Variants in NAV2 observed in about 807,000 individuals in gnomAD.
The protein encoded by NAV2 is helicase, APC down-regulated 1.
NAV2 carries 54 observed loss-of-function variants against 223.2 expected under a neutral mutation model. The ratio of observed to expected loss-of-function variants is 0.24; its 90% CI spans 0.19 to 0.30. The LOEUF (loss-of-function observed/expected upper bound fraction) is 0.30. NAV2 is among the 10% of genes least tolerant of loss of function. The probability of loss-of-function intolerance (pLI) is 1.00; values close to 1 mark genes in which losing one functional copy is unlikely to be tolerated. For missense variants in NAV2, 2,806 were observed against 3,147.5 expected, an observed-to-expected ratio of 0.89 and a Z score of 2.60; for synonymous variants, 1,279 against 1,239.3, an observed-to-expected ratio of 1.03 and a Z score of -0.67.
At chr11:19,542,883 C>G (rs571938755) in intron 1 of NAV2, among the ~76,000 whole-genome samples, 57 of 152,322 alleles carry the variant, frequency 3.7e-4, no homozygotes, top group African/African-American at 1.4e-3. Context: ...CTGAAACCCT[C>G]CCCTTCCTGG....
intron 1 of NAV2, among the ~76,000 whole-genome samples, chr11:19,425,393 T>A (rs1171836338): frequency 6.6e-6 from 1 of 152,218 alleles, no homozygotes; most frequent in Non-Finnish European, 1.5e-5. Flanking sequence ...TCTTCATGAA[T>A]GCCTTTTCCT....
rs571028613 is a variant in NAV2 at position 19,586,721 on chromosome 11, C to G, written c.75+235694C>G. Among the ~76,000 whole-genome samples the G allele has an allele frequency of 2.0e-5, 3 of 152,324 alleles. No homozygotes were observed. The South Asian group carries it at 6.2e-4, about 32-fold the overall frequency. Reference sequence around the variant, plus strand: ...TATTGCAGAACAGCAAATGTTGCTGCCTGATCGTTCCTCTGGAAGTTTTGT... The same window carrying G: ...TATTGCAGAACAGCAAATGTTGCTGGCTGATCGTTCCTCTGGAAGTTTTGT... On this transcript the variant is annotated intron_variant, in intron 1 of 37. Coordinates refer to the NAV2 transcript ENST00000360655.
intron 1 of NAV2, among the ~76,000 whole-genome samples, chr11:19,546,123 C>T (rs552120225): frequency 6.6e-6 from 1 of 152,222 alleles, no homozygotes; most frequent in East Asian, 1.9e-4. Context: ...TCCAGGAAAC[C>T]ACACCAAACT....
rs1403719463 is a variant in NAV2 at position 19,372,571 on chromosome 11, G to T, written c.75+21544G>T. Reference sequence around the variant, plus strand: ...TCCCTCCAGATGTCTGGGGGTGCTTGCAGAGGGGAGCAGTGGGGTCTCTAA... The same window carrying T: ...TCCCTCCAGATGTCTGGGGGTGCTTTCAGAGGGGAGCAGTGGGGTCTCTAA... On this transcript the variant is annotated intron_variant, in intron 1 of 37. Coordinates refer to the NAV2 transcript ENST00000360655. 2.0e-5 allele frequency among the ~76,000 whole-genome samples: 3 copies of T among 152,182 alleles called. No homozygotes were observed. The South Asian group carries it at 6.2e-4, about 32-fold the overall frequency.
At chr11:19,860,486 A>T (rs1211759807) in intron 3 of NAV2, among the ~76,000 whole-genome samples, 1 of 151,250 alleles carries the variant, frequency 6.6e-6, no homozygotes, top group African/African-American at 2.4e-5. Context: ...AGCCTGGAAG[A>T]GGCGCTCCTC....
chr11:19,986,921 A>ACTT (rs2050844211), intron 11 of NAV2, among the ~76,000 whole-genome samples: 3 of 152,268 alleles, frequency 2.0e-5, no homozygotes, highest in Admixed American at 1.3e-4. Flanking sequence ...TCATGTAGTT[A>ACTT]CAAAATCTAT....
Position 19,806,288 on chromosome 11 carries a change from A to G in NAV2, c.268-26196A>G, listed in dbSNP as rs542345476. Among the ~76,000 whole-genome samples, 7 of 152,318 alleles carry G rather than the reference A, an allele frequency of 4.6e-5. No individual in the cohort carries two copies. In the East Asian group the frequency reaches 9.7e-4, roughly 21 times the overall value. ...TTCCTTTCCTGACTTCTGTTTCTCC[A>G]TCAAAGGGATATTACATTGTAAGTG... On this transcript the variant is annotated intron_variant, in intron 1 of 37. Coordinates refer to ENST00000349880, the MANE Select transcript of NAV2 (RefSeq NM_145117.5).
chr11:19,602,598 A>T (rs2046377636), intron 1 of NAV2, among the ~76,000 whole-genome samples: 1 of 152,232 alleles, frequency 6.6e-6, no homozygotes, highest in South Asian at 2.1e-4. Context: ...GAGGTCAGAA[A>T]TATAAAAATC....
chr11:19,899,863 T>C (rs1227094735), intron 6 of NAV2, among the ~76,000 whole-genome samples: 3 of 152,208 alleles, frequency 2.0e-5, no homozygotes, highest in Non-Finnish European at 4.4e-5. Flanking sequence ...TTCACTGTGT[T>C]ATTCAACTCA....
chr11:19,391,073 G>A (rs1849229049), intron 1 of NAV2, among the ~76,000 whole-genome samples: 1 of 151,908 alleles, frequency 6.6e-6, no homozygotes, highest in Non-Finnish European at 1.5e-5. Context: ...GTAAATGAGG[G>A]GCCCAGCATT....
intron 1 of NAV2, chr11:19,402,057 A>T (rs1849709954): frequency 6.6e-6 from 1 of 152,196 alleles, no homozygotes; most frequent in African/African-American, 2.4e-5. Flanking sequence ...ACTCTGATCT[A>T]GTCCAGTAGT....
chr11:19,855,413 C>T (rs933702018), intron 3 of NAV2, among the ~76,000 whole-genome samples: 12 of 152,182 alleles, frequency 7.9e-5, no homozygotes, highest in African/African-American at 2.7e-4. Flanking sequence ...CCTGTCTACC[C>T]TTGAAATCTC....
chr11:20,085,326 G>A (rs957585670), intron 26 of NAV2, among the ~76,000 whole-genome samples: 4 of 152,098 alleles, frequency 2.6e-5, no homozygotes, highest in Non-Finnish European at 4.4e-5. Flanking sequence ...TTGTGGTTAC[G>A]ATAAAGTACA....
At chr11:20,068,645 G>A (rs2059201739) in intron 22 of NAV2, among the ~76,000 whole-genome samples, 1 of 152,164 alleles carries the variant, frequency 6.6e-6, no homozygotes, top group Non-Finnish European at 1.5e-5. Context: ...TTACATCTCA[G>A]TATTGGCCCA....
At chr11:19,879,654 T>C (rs1312344101) in intron 4 of NAV2, among the ~76,000 whole-genome samples, 1 of 152,170 alleles carries the variant, frequency 6.6e-6, no homozygotes, top group Non-Finnish European at 1.5e-5. Flanking sequence ...AGACATCCAG[T>C]TGCACTTGCC....
intron 1 of NAV2, among the ~76,000 whole-genome samples, chr11:19,747,019 T>C: frequency 2.7e-5 from 1 of 37,008 alleles, no homozygotes; most frequent in Non-Finnish European, 9.1e-5. Flanking sequence ...ATTAGGTATA[T>C]CTCCTAATAT....
At position 20,095,719 on chromosome 11, in the gene NAV2, C is replaced by T; in HGVS notation, c.5964C>T (p.Gly1988=). The T allele has an allele frequency of 1.9e-6, 3 of 1,614,060 alleles. No homozygotes were observed. Among genetic ancestry groups the T allele is most frequent in the Non-Finnish European group, 2.5e-6 (3 of 1,179,980 alleles). ...LFLIGCIGVS[G]KTKWDVLDGV... ...TTATTGGCTGCATTGGAGTTAGTGG[C>T]AAGACGAAGTGGGATGTGCTCGATG... is the stretch of plus-strand genomic sequence containing the variant. Residue 1988 remains glycine (G), a synonymous_variant, in exon 30 of 38, where the codon GGC becomes GGT. Coordinates refer to ENST00000349880, the MANE Select transcript of NAV2 (RefSeq NM_145117.5).
chr11:19,987,665 G>C (rs987898286), intron 11 of NAV2, among the ~76,000 whole-genome samples: 1 of 152,186 alleles, frequency 6.6e-6, no homozygotes, highest in Non-Finnish European at 1.5e-5. Context: ...CTGGGAGATA[G>C]AGACTGTGTC....
intron 6 of NAV2, among the ~76,000 whole-genome samples, chr11:19,903,288 C>A (rs2042597956): frequency 6.6e-6 from 1 of 152,178 alleles, no homozygotes; most frequent in East Asian, 1.9e-4. Context: ...GCAGGTGTCA[C>A]ACCCTGTGGA....
Sources: gnomAD v4.1 joint callset for allele counts (sites outside exome capture counted in the v4.1 genomes callset) on GRCh38, gnomAD v4.1.1 for gene constraint, MANE v1.5 for transcripts, NCBI Gene and HGNC (gene_info 2026-07-23, HGNC 2026-07-21) for gene names.